The following DIP2A variants were observed in gnomAD, a reference collection of about 807,000 sequenced individuals.
The protein encoded by DIP2A is disco-interacting protein 2 homolog A.
In DIP2A, 85 loss-of-function variants were observed where a neutral mutation model predicts 177.4. The ratio of observed to expected loss-of-function variants is 0.48; its 90% CI spans 0.40 to 0.57. The LOEUF is 0.57. Ranked by LOEUF, DIP2A falls within the 20% of genes least tolerant of loss-of-function variation. The pLI is 0.00. For missense variants in DIP2A, 1,791 were observed against 2,100.2 expected, an observed-to-expected ratio of 0.85 and a Z score of 2.88; for synonymous variants, 886 against 881.8, an observed-to-expected ratio of 1.00 and a Z score of -0.08.
intron 8 of DIP2A, among the ~76,000 whole-genome samples, chr21:46,521,681 G>A (rs1389073270): frequency 6.6e-6 from 1 of 152,104 alleles, no homozygotes; most frequent in East Asian, 1.9e-4. Context: ...GCAGATTCAT[G>A]CTCCAAGAAA....
chr21:46,565,554 A>C (rs1450256645), intron 35 of DIP2A, among the ~76,000 whole-genome samples, 159 bp from the exon 36 acceptor site: 1 of 152,210 alleles, frequency 6.6e-6, no homozygotes, highest in Non-Finnish European at 1.5e-5. Flanking sequence ...TGTGCCTGTA[A>C]TTTAACTTAG....
intron 1 of DIP2A, among the ~76,000 whole-genome samples, chr21:46,470,278 C>G (rs1295130776): frequency 6.6e-6 from 1 of 152,114 alleles, no homozygotes; most frequent in African/African-American, 2.4e-5. Context: ...AGTTCGAGAC[C>G]AGCCTGACCA....
intron 17 of DIP2A, among the ~76,000 whole-genome samples, chr21:46,540,934 G>C (rs2059789968): frequency 6.7e-6 from 1 of 149,546 alleles, no homozygotes; most frequent in Non-Finnish European, 1.5e-5. Context: ...CGAATCGCTT[G>C]AACCCAGGAG....
At chr21:46,524,237 T>C (rs1368150486) in intron 8 of DIP2A, among the ~76,000 whole-genome samples, 16 of 152,178 alleles carry the variant, frequency 1.1e-4, no homozygotes, top group Admixed American at 1.0e-3. Flanking sequence ...ACGAGGGACT[T>C]TACTGAAGGG....
At chr21:46,575,056 G>T in the DIP2A span, among the ~76,000 whole-genome samples, 1 of 152,020 alleles carries the variant, frequency 6.6e-6, no homozygotes, top group Non-Finnish European at 1.5e-5. Context: ...GACTTCAGCA[G>T]CATATTAAAA....
chr21:46,523,215 A>G (rs2058906057), intron 8 of DIP2A, among the ~76,000 whole-genome samples: 1 of 150,008 alleles, frequency 6.7e-6, no homozygotes, highest in African/African-American at 2.5e-5. Context: ...GTGAGCCACC[A>G]ATGCCTAGCT....
At chr21:46,527,325 G>GTTTTTTTTTTTTTTTTTTTTTTTTTTTT (rs58453285) in intron 8 of DIP2A, among the ~76,000 whole-genome samples, 1 of 105,586 alleles carries the variant, frequency 9.5e-6, no homozygotes, top group Non-Finnish European at 1.8e-5. Flanking sequence ...TTGAGTTGAG[G>GTTTTTTTTTTTTTTTTTTTTTTTTTTTT]TTTTTTTTTT....
chr21:46,576,650 T>A, the DIP2A span, among the ~76,000 whole-genome samples: 1 of 152,200 alleles, frequency 6.6e-6, no homozygotes, highest in African/African-American at 2.4e-5. Flanking sequence ...AGTAACGGGA[T>A]TGCTGGGTCA....
intron 25 of DIP2A, among the ~76,000 whole-genome samples, chr21:46,552,236 A>T (rs1003389686): frequency 2.0e-5 from 3 of 152,242 alleles, no homozygotes; most frequent in African/African-American, 7.2e-5. Flanking sequence ...ACATGTAAAT[A>T]TTCCTAAGTT....
rs2060505732 is a variant in DIP2A at position 46,557,395 on chromosome 21, G to A, written c.3630-190G>A. ...CTCCAAGTGTTCGGAGCAGAGCTCA[G>A]AACCCCGTGCCTGCCATCCCCCAAC... On this transcript the variant is annotated intron_variant, in intron 30 of 37. Transcript: ENST00000417564. This position sits in a 1 kb window ranked among gnomAD's most constrained non-coding sequence, Gnocchi z 6.0. The A allele has an allele frequency of 1.2e-5, 9 of 737,606 alleles. No homozygotes were observed. Among genetic ancestry groups the A allele is most frequent in the Non-Finnish European group, 8.6e-6 (4 of 463,428 alleles). 45.7% of individuals were successfully genotyped at this position (737,606 alleles called of 1,614,324 possible). A position where few individuals can be genotyped will look rare whatever the true frequency, so the allele number is the denominator to read the frequency against.
intron 1 of DIP2A, 67 bp downstream of exon 1, chr21:46,459,289 C>G: frequency 1.5e-6 from 2 of 1,352,804 alleles, no homozygotes; most frequent in Admixed American, 5.6e-5. Flanking sequence ...CAGCCCCTCA[C>G]TCCGGGACCC....
At chr21:46,484,367 C>T (rs1160034580) in intron 1 of DIP2A, among the ~76,000 whole-genome samples, 1 of 152,228 alleles carries the variant, frequency 6.6e-6, no homozygotes, top group Admixed American at 6.5e-5. Flanking sequence ...CACCACTACA[C>T]TCCCAACGTA....
Position 46,522,532 on chromosome 21 carries a change from C to G in DIP2A, c.1103-6560C>G, listed in dbSNP as rs1251414934. Among the ~76,000 whole-genome samples, 7 of 152,198 alleles carry G rather than the reference C, an allele frequency of 4.6e-5. No individual in the cohort carries two copies. In the East Asian group the frequency reaches 1.3e-3, roughly 29 times the overall value. ...CCCATCCCCCATGGGAGTGTTATCT[C>G]TCAGTGGGGCTTGGGGGACATTTCC... On this transcript the variant is annotated intron_variant, in intron 8 of 37. Coordinates refer to ENST00000417564, the MANE Select transcript of DIP2A (RefSeq NM_015151.4).
chr21:46,505,296 T>C lies in DIP2A; in HGVS notation c.784+807T>C, dbSNP rs368703255. ...CTTAATTAAAGGGTAATTGACATAA[T>C]GAATTGCACATATTTAAAGTGTACA... is the stretch of plus-strand genomic sequence containing the variant. On this transcript the variant is annotated intron_variant, in intron 6 of 37. Coordinates refer to ENST00000417564, the MANE Select transcript of DIP2A (RefSeq NM_015151.4). Among the ~76,000 whole-genome samples the C allele has an allele frequency of 2.2e-4, 34 of 152,294 alleles. No homozygotes were observed. The South Asian group carries it at 6.9e-3, about 31-fold the overall frequency.
chr21:46,554,982 T>C (rs1193029860), intron 28 of DIP2A, 49 bp downstream of exon 28: 8 of 1,523,204 alleles, frequency 5.3e-6, no homozygotes, highest in Non-Finnish European at 7.1e-6. Flanking sequence ...CTTTCTTTGT[T>C]GTAGGTGTGG....
At chr21:46,540,540 C>T (rs2059771084) in intron 17 of DIP2A, among the ~76,000 whole-genome samples, 1 of 152,178 alleles carries the variant, frequency 6.6e-6, no homozygotes, top group African/African-American at 2.4e-5. Context: ...TCCTCACTCC[C>T]CTCCTGAGGT....
At chr21:46,495,234 CT>C (rs1568967426) in intron 3 of DIP2A, among the ~76,000 whole-genome samples, 918 of 63,820 alleles carry the variant, frequency 0.014, 2 homozygotes, top group African/African-American at 0.029. Flanking sequence ...CTTCTCTTCT[CT>C]TCTCTTCTTT....
In DIP2A at chr21:46,498,548, G is replaced by A. The variant is rs768185536; in HGVS notation, c.404-34G>A. 16 of 1,576,498 alleles carry A rather than the reference G, an allele frequency of 1.0e-5. No individual in the cohort carries two copies. Among genetic ancestry groups the A allele is most frequent in the East Asian group, 4.5e-5 (2 of 44,528 alleles). ...CTCCGTCCTCCTCTTGACTCATCCC[G>A]ATATCATGCCTGTCATCGTTATTTT... On this transcript the variant is annotated intron_variant, in intron 4 of 37. Coordinates refer to ENST00000417564, the MANE Select transcript of DIP2A (RefSeq NM_015151.4). The surrounding 1 kb of genome is among the most constrained non-coding windows in gnomAD (Gnocchi z 4.3).
At chr21:46,566,752 C>T (rs1487718875) in intron 37 of DIP2A, 69 bp downstream of exon 37, 2 of 1,596,740 alleles carry the variant, frequency 1.3e-6, no homozygotes, top group African/African-American at 1.3e-5. Flanking sequence ...GAGTGCTGTG[C>T]ATCGGTTGGA....
Sources: allele counts gnomAD v4.1 joint callset (sites outside exome capture counted in the v4.1 genomes callset), GRCh38; gene constraint gnomAD v4.1.1; non-coding constraint Gnocchi (gnomAD v3.1); transcripts MANE v1.5; gene names NCBI Gene and HGNC (gene_info 2026-07-23, HGNC 2026-07-21).